Variants in PHACTR4 observed in about 807,000 individuals in gnomAD.
PHACTR4 encodes protein phosphatase 1, regulatory subunit 124.
In PHACTR4, 51 loss-of-function variants were observed where a neutral mutation model predicts 72.7. The observed-to-expected ratio is 0.70, with a 90% CI of 0.56 to 0.89. PHACTR4 has a LOEUF of 0.89. PHACTR4 is among the 40% of genes least tolerant of loss of function. PHACTR4 has a pLI of 0.00. For synonymous variants in PHACTR4, 255 were observed against 302.5 expected, an observed-to-expected ratio of 0.84 and a Z score of 1.63; for missense variants, 731 against 861.8, an observed-to-expected ratio of 0.85 and a Z score of 1.90.
At chr1:28,440,440 G>T (rs1334231139) in intron 2 of PHACTR4, among the ~76,000 whole-genome samples, 1 of 99,564 alleles carries the variant, frequency 1.0e-5, no homozygotes, top group Non-Finnish European at 1.8e-5. Flanking sequence ...CTGTCGCCCA[G>T]GCTGGAGTGC....
chr1:28,434,204 A>G (rs1656480566), intron 2 of PHACTR4, among the ~76,000 whole-genome samples: 1 of 152,184 alleles, frequency 6.6e-6, no homozygotes, highest in South Asian at 2.1e-4. Context: ...AGTCAGACTA[A>G]GGATACCTGG....
At chr1:28,443,642 T>G (rs982272003) in intron 2 of PHACTR4, among the ~76,000 whole-genome samples, 1 of 151,750 alleles carries the variant, frequency 6.6e-6, no homozygotes, top group Non-Finnish European at 1.5e-5. Flanking sequence ...CGAAACGAGG[T>G]CTCACTCTCT....
At chr1:28,445,783 G>C (rs1657424237) in intron 2 of PHACTR4, among the ~76,000 whole-genome samples, 1 of 152,044 alleles carries the variant, frequency 6.6e-6, no homozygotes, top group African/African-American at 2.4e-5. Flanking sequence ...AGTCCCAGCT[G>C]TTCAGGAGGC....
intron 3 of PHACTR4, 37 bp downstream of exon 3, chr1:28,459,295 G>A (rs372642276): frequency 6.6e-5 from 103 of 1,563,506 alleles, no homozygotes; most frequent in Non-Finnish European, 8.8e-5. Flanking sequence ...TTCTGAGTTA[G>A]AATTCTCTAT....
chr1:28,402,510 G>T (rs1654015420), intron 1 of PHACTR4, among the ~76,000 whole-genome samples: 1 of 152,146 alleles, frequency 6.6e-6, no homozygotes, highest in Non-Finnish European at 1.5e-5. Flanking sequence ...CCAACACTTT[G>T]GGAGGCCAAG....
chr1:28,423,431 A>ATAAATAAATAAG (rs1177153757), intron 2 of PHACTR4, among the ~76,000 whole-genome samples: 15 of 126,344 alleles, frequency 1.2e-4, no homozygotes, highest in African/African-American at 6.2e-4. Context: ...AAATAAATAA[A>ATAAATAAATAAG]TAAATAAATA....
At chr1:28,494,820 C>A (rs184976237) in intron 13 of PHACTR4, among the ~76,000 whole-genome samples, 61 of 152,250 alleles carry the variant, frequency 4.0e-4, no homozygotes, top group African/African-American at 1.4e-3. Flanking sequence ...GACTGTTATG[C>A]TAGGATGTTG....
At chr1:28,439,692 C>T (rs540610362) in intron 2 of PHACTR4, among the ~76,000 whole-genome samples, 240 of 152,286 alleles carry the variant, frequency 1.6e-3, no homozygotes, top group Non-Finnish European at 2.9e-3. Flanking sequence ...AAATTTAGAA[C>T]ATAAAGATAA....
intron 2 of PHACTR4, among the ~76,000 whole-genome samples, chr1:28,409,519 G>A (rs1301820419): frequency 6.6e-6 from 1 of 152,072 alleles, no homozygotes; most frequent in African/African-American, 2.4e-5. Flanking sequence ...AGAAAAAAAA[G>A]AAATCAGAGG....
intron 1 of PHACTR4, among the ~76,000 whole-genome samples, chr1:28,371,905 G>A (rs1233937220): frequency 6.6e-6 from 1 of 151,858 alleles, no homozygotes; most frequent in African/African-American, 2.4e-5. Context: ...TGTTTTTTGA[G>A]ATAGAGTCTT....
At position 28,381,302 on chromosome 1, in the gene PHACTR4, C is replaced by CTT. The variant is rs55790699; in HGVS notation, c.-39+11490_-39+11491dup. ...ACAGCCGTGAGCCACTGCGCCTGGC[C>CTT]TTTTTTTTTTTTTTGAGACGGAGTC... On this transcript the variant is annotated intron_variant, in intron 1 of 13. Coordinates refer to ENST00000373839, the MANE Select transcript of PHACTR4 (RefSeq NM_001048183.3). Among the ~76,000 whole-genome samples, 8 of 112,000 alleles carry CTT rather than the reference C, an allele frequency of 7.1e-5. No individual in the cohort carries two copies. The East Asian group carries it at 8.2e-4, about 12-fold the overall frequency. The allele number at this position is 112,000 out of a possible 152,430, so 73.5% of individuals were successfully genotyped here. A position where few individuals can be genotyped will look rare whatever the true frequency, so the allele number is the denominator to read the frequency against.
intron 1 of PHACTR4, among the ~76,000 whole-genome samples, chr1:28,384,762 C>T (rs1652435990): frequency 1.3e-5 from 2 of 152,104 alleles, no homozygotes; most frequent in African/African-American, 4.8e-5. Flanking sequence ...CATGGTGGTG[C>T]ACACCTGTAA....
rs1156344461 is a variant in PHACTR4 at position 28,395,674 on chromosome 1, C to T, written c.-38-11736C>T. ...TTTTTTTTTGAGTCAGAGTCTCACT[C>T]TGTCGCCCAGGCTGGAGTGCAATGG... On this transcript the variant is annotated intron_variant, in intron 1 of 13. Coordinates refer to ENST00000373839, the MANE Select transcript of PHACTR4 (RefSeq NM_001048183.3). 1.0e-4 allele frequency among the ~76,000 whole-genome samples: 14 copies of T among 140,360 alleles called. No homozygotes were observed. The East Asian group carries it at 2.6e-3, about 27-fold the overall frequency. The allele number at this position is 140,360 out of a possible 152,430, so 92.1% of individuals were successfully genotyped here.
At chr1:28,496,396 T>A (rs1661364577) in intron 13 of PHACTR4, 138 bp from the exon 14 acceptor site, 2 of 911,428 alleles carry the variant, frequency 2.2e-6, no homozygotes, top group Non-Finnish European at 3.5e-6. Flanking sequence ...GAGTATCAGA[T>A]GCAACAGAAA....
intron 2 of PHACTR4, chr1:28,433,103 T>C: frequency 1.0e-6 from 1 of 984,856 alleles, no homozygotes; most frequent in Non-Finnish European, 1.2e-6. Context: ...TTAATTCTGC[T>C]ACTTCCCCTT....
intron 2 of PHACTR4, chr1:28,438,420 A>G: frequency 6.2e-7 from 1 of 1,613,272 alleles, no homozygotes; most frequent in Non-Finnish European, 8.5e-7. Context: ...CGGTAAATCC[A>G]GATGCAGTTG....
intron 2 of PHACTR4, among the ~76,000 whole-genome samples, chr1:28,435,661 G>A (rs1368236831): frequency 6.6e-6 from 1 of 152,228 alleles, no homozygotes; most frequent in African/African-American, 2.4e-5. Flanking sequence ...ATAAGTGGTA[G>A]AGCTGGAATT....
At chr1:28,400,878 C>A (rs1222251720) in intron 1 of PHACTR4, among the ~76,000 whole-genome samples, 1 of 152,094 alleles carries the variant, frequency 6.6e-6, no homozygotes, top group Non-Finnish European at 1.5e-5. Context: ...CCACGCCCGG[C>A]CTGAGTGAAG....
intron 8 of PHACTR4, among the ~76,000 whole-genome samples, chr1:28,478,222 A>G (rs1660044629): frequency 6.6e-6 from 1 of 152,190 alleles, no homozygotes; most frequent in Admixed American, 6.6e-5. Context: ...TGTTGCACAT[A>G]ACAGGATTTC....
Sources: allele counts gnomAD v4.1 joint callset (sites outside exome capture counted in the v4.1 genomes callset), GRCh38; gene constraint gnomAD v4.1.1; transcripts MANE v1.5; gene names NCBI Gene and HGNC (gene_info 2026-07-23, HGNC 2026-07-21).